CCDC201: variants seen among roughly 807,000 people sequenced by gnomAD.
CCDC201 encodes the protein coiled-coil domain containing 201, also known as coiled-coil domain-containing protein 201.
chr7:45,862,430 G>A (rs1786614711), exon 3 of CCDC201: 1 of 152,208 alleles, frequency 6.6e-6, no homozygotes, highest in Admixed American at 6.5e-5. Flanking sequence ...TATTGAGGAA[G>A]GAGGTAGGTA....
At chr7:45,872,543 C>T (rs950220937) in intron 1 of CCDC201, among the ~76,000 whole-genome samples, 4 of 152,164 alleles carry the variant, frequency 2.6e-5, no homozygotes, top group Non-Finnish European at 5.9e-5. Flanking sequence ...ATGAGACAGG[C>T]CAGGGGAGGA....
chr7:45,884,663 C>A, the CCDC201 span, among the ~76,000 whole-genome samples: 2 of 152,174 alleles, frequency 1.3e-5, no homozygotes, highest in South Asian at 4.1e-4. Flanking sequence ...ACATTGCACA[C>A]CCCATCCCTT....
At position 45,867,254 on chromosome 7, in the gene CCDC201, G is replaced by A. The variant is rs112268403; in HGVS notation, c.19-760C>T. 8.0e-3 allele frequency among the ~76,000 whole-genome samples: 1,221 copies of A among 152,234 alleles called. 19 individuals are homozygous for A. The highest frequency in any genetic ancestry group is 0.028 in the African/African-American group (1,163 of 41,552). ...CTTGGTGTCTCAGACACACACATGC[G>A]TGCTCCTAACTGGTATCTCCGCACA... On this transcript the variant is annotated intron_variant, in intron 1 of 2. Coordinates refer to ENST00000636578, the Ensembl canonical transcript of CCDC201.
chr7:45,880,141 A>C, the CCDC201 span, among the ~76,000 whole-genome samples: 1 of 152,210 alleles, frequency 6.6e-6, no homozygotes, highest in Non-Finnish European at 1.5e-5. Flanking sequence ...TCAACATATA[A>C]TACTGCTGAT....
chr7:45,874,074 C>T (rs1786772996), upstream of CCDC201, among the ~76,000 whole-genome samples: 1 of 152,048 alleles, frequency 6.6e-6, no homozygotes, highest in African/African-American at 2.4e-5. Context: ...TGCATGCCAC[C>T]ATGCCTGGCT....
intron 1 of CCDC201, among the ~76,000 whole-genome samples, chr7:45,871,413 G>A (rs999838736): frequency 6.6e-6 from 1 of 151,830 alleles, no homozygotes; most frequent in Non-Finnish European, 1.5e-5. Flanking sequence ...AAACAAAGTC[G>A]GGTTCTTATA....
the CCDC201 span, among the ~76,000 whole-genome samples, chr7:45,880,210 A>G: frequency 6.6e-6 from 1 of 152,256 alleles, no homozygotes; most frequent in Admixed American, 6.5e-5. Context: ...TGAGATGAAG[A>G]GGAGTTATTT....
the CCDC201 span, among the ~76,000 whole-genome samples, chr7:45,879,022 T>C: frequency 2.6e-5 from 4 of 152,254 alleles, no homozygotes; most frequent in Non-Finnish European, 5.9e-5. Context: ...TTCCAGCAGA[T>C]ACCTTAAATC....
upstream of CCDC201, among the ~76,000 whole-genome samples, chr7:45,877,234 C>T (rs2877359): frequency 0.28 from 43,201 of 152,128 alleles, 6,575 homozygotes; most frequent in East Asian, 0.36. Context: ...ACCTGCATTT[C>T]CCTTCTCTGC....
intron 1 of CCDC201, among the ~76,000 whole-genome samples, chr7:45,871,879 A>C (rs1189971180): frequency 6.6e-6 from 1 of 152,226 alleles, no homozygotes; most frequent in Admixed American, 6.5e-5. Context: ...GAAGTATGAA[A>C]ACTTTAGACA....
chr7:45,868,428 G>T (rs1583653202), intron 1 of CCDC201, among the ~76,000 whole-genome samples: 1 of 152,174 alleles, frequency 6.6e-6, no homozygotes, highest in South Asian at 2.1e-4. Flanking sequence ...GTTTTCTTCA[G>T]TGTGGGAGAA....
intron 1 of CCDC201, among the ~76,000 whole-genome samples, chr7:45,867,127 T>C (rs1467097832): frequency 6.6e-6 from 1 of 152,248 alleles, no homozygotes. Context: ...AGCACATTTG[T>C]GTTCACCATA....
At chr7:45,862,193 C>T (rs1200245738) in exon 3 of CCDC201, 2 of 152,366 alleles carry the variant, frequency 1.3e-5, no homozygotes, top group African/African-American at 4.8e-5. Flanking sequence ...CCAGCACTCT[C>T]AGATTTCCAG....
chr7:45,880,205 T>C, the CCDC201 span, among the ~76,000 whole-genome samples: 1 of 152,252 alleles, frequency 6.6e-6, no homozygotes, highest in African/African-American at 2.4e-5. Flanking sequence ...TAAATTGAGA[T>C]GAAGAGGAGT....
intron 2 of CCDC201, among the ~76,000 whole-genome samples, chr7:45,865,400 G>T (rs961700215): frequency 6.6e-6 from 1 of 152,204 alleles, no homozygotes; most frequent in African/African-American, 2.4e-5. Context: ...TATGGTGAAG[G>T]TGGGACATCC....
At chr7:45,882,777 A>T in the CCDC201 span, among the ~76,000 whole-genome samples, 2 of 152,180 alleles carry the variant, frequency 1.3e-5, no homozygotes, top group African/African-American at 4.8e-5. Flanking sequence ...ATGCGGCAGG[A>T]GGTCTCCTGG....
intron 1 of CCDC201, among the ~76,000 whole-genome samples, chr7:45,867,124 T>C (rs181705527): frequency 6.4e-3 from 972 of 152,336 alleles, no homozygotes; most frequent in Non-Finnish European, 0.011. Context: ...GCAAGCACAT[T>C]TGTGTTCACC....
At chr7:45,875,740 C>T (rs377531304), upstream of CCDC201, among the ~76,000 whole-genome samples, 58 of 151,886 alleles carry the variant, frequency 3.8e-4, no homozygotes, top group South Asian at 1.2e-3. Context: ...TGCTTGGTCC[C>T]GGTTCCCAGT....
upstream of CCDC201, among the ~76,000 whole-genome samples, chr7:45,874,388 C>A (rs1490887822): frequency 1.3e-5 from 2 of 152,182 alleles, no homozygotes; most frequent in African/African-American, 4.8e-5. Flanking sequence ...CACTAAGTTG[C>A]CATGTGATTT....
Sources: gnomAD v4.1 joint callset for allele counts (sites outside exome capture counted in the v4.1 genomes callset) on GRCh38, gnomAD v4.1.1 for gene constraint, MANE v1.5 for transcripts, NCBI Gene and HGNC (gene_info 2026-07-23, HGNC 2026-07-21) for gene names.